Variants in IBA57 observed in about 807,000 individuals in gnomAD.
The protein encoded by IBA57 is iron-sulfur cluster assembly factor IBA57.
A neutral mutation model predicts 20.4 loss-of-function variants in IBA57; 20 were observed. The ratio of observed to expected loss-of-function variants is 0.98; its 90% confidence interval spans 0.69 to 1.42. The LOEUF is 1.42. Ranked by LOEUF, IBA57 falls within the 40% of genes most tolerant of loss-of-function variation. IBA57 has a pLI of 0.00. For synonymous variants in IBA57, 310 were observed against 233.9 expected (o/e 1.33, Z -2.97); for missense variants, 608 against 499.3 (o/e 1.22, Z -2.07).
chr1:228,166,072 G>A lies in IBA57; in HGVS notation c.256G>A (p.Ala86Thr), dbSNP rs1203894956. ...NELPLPSPAA[A>T]GAPPAARAGY... is the part of the protein sequence containing the mutation. ...ACTGCCGCTTCCGAGTCCTGCGGCC[G>A]CGGGGGCCCCGCCTGCTGCGCGCGC... is the stretch of plus-strand genomic sequence containing the variant. Residue 86 changes from alanine to threonine, a missense_variant, in exon 1 of 3, where the codon GCG (alanine) becomes ACG (threonine). By Grantham distance (58) the Ala-to-Thr change is moderately conservative. Transcript: ENST00000366711. 2.0e-6 allele frequency: 3 copies of A among 1,537,090 alleles called. No homozygotes were observed. Among genetic ancestry groups the A allele is most frequent in the Non-Finnish European group, 2.6e-6 (3 of 1,145,090 alleles).
Position 228,174,945 on chromosome 1 carries a change from C to T in IBA57, c.595C>T (p.Leu199Phe). 2 of 1,575,078 alleles carry T rather than the reference C, an allele frequency of 1.3e-6. No homozygotes were observed. Among genetic ancestry groups the T allele is most frequent in the Non-Finnish European group, 1.7e-6 (2 of 1,157,322 alleles). The stretch of plus-strand genomic sequence containing the variant: ...AACAGCACGCATGGGGTGGCGGCTC[C>T]TCACCCAGGATGAAGGCCCAGCCCT... ...PRTARMGWRL[L>F]TQDEGPALVP... Residue 199 changes from leucine (L) to phenylalanine (F), a missense_variant, in exon 2 of 3, where the codon CTC becomes TTC. By Grantham distance (22) the Leu-to-Phe change is conservative (BLOSUM62 0). Transcript: ENST00000366711.
At position 228,167,204 on chromosome 1, in the gene IBA57, A is replaced by G. The variant is rs150949846; in HGVS notation, c.341+1047A>G. ...ATGTGTCTTAGTTTGGGCTTTTTCC[A>G]TATCACATCTCTGGGCACTTAGTGG... On this transcript the variant is annotated intron_variant, in intron 1 of 2. Coordinates refer to ENST00000366711, the MANE Select transcript of IBA57 (RefSeq NM_001010867.4). 7.9e-3 allele frequency among the ~76,000 whole-genome samples: 1,199 copies of G among 152,248 alleles called. 16 individuals are homozygous for G. The highest frequency in any genetic ancestry group is 0.027 in the African/African-American group (1,126 of 41,546).
Position 228,181,655 on chromosome 1 carries a change from A to G in IBA57, c.*6142A>G, listed in dbSNP as rs1266031525. 6.6e-6 allele frequency: 1 copy of G among 152,278 alleles called. No individual in the cohort carries two copies. Among genetic ancestry groups the G allele is most frequent in the African/African-American group, 2.4e-5 (1 of 41,468 alleles). 9.4% of individuals were successfully genotyped at this position (152,278 alleles called of 1,614,324 possible). On this transcript the variant is annotated 3_prime_UTR_variant, in exon 3 of 3. Transcript: ENST00000366711. ...GGGGTGGAGCTCTGGGCCACAGGGC[A>G]GGAAAACTCAGTGTTGCTAGGAACT...
chr1:228,166,842 C>T (rs1299168230), intron 1 of IBA57, among the ~76,000 whole-genome samples: 1 of 152,200 alleles, frequency 6.6e-6, no homozygotes, highest in African/African-American at 2.4e-5. Context: ...TGGTTCGCGG[C>T]CGCCTGCCTG....
intron 1 of IBA57, chr1:228,172,931 T>C (rs1416718526): frequency 6.6e-6 from 1 of 152,320 alleles, no homozygotes; most frequent in East Asian, 1.9e-4. Flanking sequence ...AGCCCACGTG[T>C]GTAAATGACA....
Position 228,175,529 on chromosome 1 carries a change from G to C in IBA57, c.*16G>C, listed in dbSNP as rs759093724. ...CTCCAAGTAGTCCGAAGCCTTGGCT[G>C]GCGCAGGCTGATGGGGAGGCTGGGG... On this transcript the variant is annotated 3_prime_UTR_variant, in exon 3 of 3. Transcript: ENST00000366711. The C allele has an allele frequency of 3.2e-6, 5 of 1,538,614 alleles. No individual in the cohort carries two copies. Among genetic ancestry groups the C allele is most frequent in the Non-Finnish European group, 4.4e-6 (5 of 1,141,518 alleles).
rs750825793 is a variant in IBA57 at position 228,174,766 on chromosome 1, A to G, written c.416A>G (p.His139Arg). 2.5e-6 allele frequency: 4 copies of G among 1,609,108 alleles called. No individual in the cohort carries two copies. The highest frequency in any genetic ancestry group is 1.3e-5 in the African/African-American group (1 of 74,596). Residue 139 changes from histidine (H) to arginine (R), a missense_variant, in exon 2 of 3, where the codon CAC becomes CGC. Transcript: ENST00000366711. ...TCGGTGCAGGGCGCGCTGCAGAAGCACCTCGCGCTATACAGGATCCGGCGG... is the reference window on the plus strand; with the variant it reads ...TCGGTGCAGGGCGCGCTGCAGAAGCGCCTCGCGCTATACAGGATCCGGCGG... ...DSSVQGALQK[H>R]LALYRIRRKV...
At position 228,176,713 on chromosome 1, in the gene IBA57, G is replaced by A. The variant is rs2035028671; in HGVS notation, c.*1200G>A. Reference sequence around the variant, plus strand: ...AGGGAGCCTGTGCCGCCATCCTGGGGGGCCACAGGTGCTCTCTAGAAATCT... The same window carrying A: ...AGGGAGCCTGTGCCGCCATCCTGGGAGGCCACAGGTGCTCTCTAGAAATCT... On this transcript the variant is annotated 3_prime_UTR_variant, in exon 3 of 3. Transcript: ENST00000366711. 6.6e-6 allele frequency: 1 copy of A among 152,456 alleles called. No homozygotes were observed. The highest frequency in any genetic ancestry group is 2.1e-4 in the South Asian group (1 of 4,834). 9.4% of individuals were successfully genotyped at this position (152,456 alleles called of 1,614,324 possible). A position where few individuals can be genotyped will look rare whatever the true frequency, so the allele number is the denominator to read the frequency against.
intron 1 of IBA57, among the ~76,000 whole-genome samples, chr1:228,173,924 T>A (rs1287859598): frequency 1.5e-4 from 23 of 152,232 alleles, no homozygotes; most frequent in Admixed American, 1.2e-3. Flanking sequence ...AGACGAGAGC[T>A]CCGGAGGCTC....
intron 1 of IBA57, among the ~76,000 whole-genome samples, chr1:228,166,977 T>C (rs945914646): frequency 2.0e-5 from 3 of 152,218 alleles, no homozygotes; most frequent in South Asian, 2.1e-4. Flanking sequence ...GGACTCATTG[T>C]GTCTCTGCTA....
rs911957214 is a variant in IBA57 at position 228,178,120 on chromosome 1, G to T, written c.*2607G>T. 6.6e-6 allele frequency: 1 copy of T among 152,136 alleles called. No homozygotes were observed. The highest frequency in any genetic ancestry group is 1.9e-4 in the East Asian group (1 of 5,202). The allele number at this position is 152,136 out of a possible 1,614,324, so 9.4% of individuals were successfully genotyped here. A position where few individuals can be genotyped will look rare whatever the true frequency, so the allele number is the denominator to read the frequency against. On this transcript the variant is annotated 3_prime_UTR_variant, in exon 3 of 3. Coordinates refer to ENST00000366711, the MANE Select transcript of IBA57 (RefSeq NM_001010867.4). The stretch of plus-strand genomic sequence containing the variant: ...ACCCTCACACCTCCTGCCTCCCCTC[G>T]TTAGAGTCCCCCACATCCGCCTTCC...
chr1:228,167,163 G>C (rs898045351), intron 1 of IBA57, among the ~76,000 whole-genome samples: 9 of 152,110 alleles, frequency 5.9e-5, no homozygotes, highest in African/African-American at 1.9e-4. Flanking sequence ...TCTTGATGTC[G>C]TGAAATGTCA....
At position 228,175,548 on chromosome 1, in the gene IBA57, G is replaced by GCTGGGGC. The variant is rs755909674; in HGVS notation, c.*45_*51dup. 3.6e-5 allele frequency: 55 copies of GCTGGGGC among 1,525,964 alleles called. No individual in the cohort carries two copies. The East Asian group carries it at 1.1e-3, about 30-fold the overall frequency. 94.5% of individuals were successfully genotyped at this position (1,525,964 alleles called of 1,614,324 possible). A position where few individuals can be genotyped will look rare whatever the true frequency, so the allele number is the denominator to read the frequency against. On this transcript the variant is annotated 3_prime_UTR_variant, in exon 3 of 3. Coordinates refer to ENST00000366711, the MANE Select transcript of IBA57 (RefSeq NM_001010867.4). ...TTGGCTGGCGCAGGCTGATGGGGAGGCTGGGGCCTGGGGCCTTTGGCCTCT... is the reference window on the plus strand; with the variant it reads ...TTGGCTGGCGCAGGCTGATGGGGAGGCTGGGGCCTGGGGCCTGGGGCCTTTGGCCTCT...
At position 228,175,405 on chromosome 1, in the gene IBA57, G is replaced by A. The variant is rs1439846044; in HGVS notation, c.963G>A (p.Leu321=). ...GCCAGGGCAACGTGGGGCTGGCCCT[G>A]CTGTGGTCAGAGAAGATCAAGGGTC... ...RAGQGNVGLA[L]LWSEKIKGPL... is the part of the protein sequence containing the mutation. The change falls in exon 3 of 3, where the codon CTG becomes CTA. Residue 321 remains leucine (L), a synonymous_variant. Coordinates refer to ENST00000366711, the MANE Select transcript of IBA57 (RefSeq NM_001010867.4). The A allele has an allele frequency of 1.2e-6, 2 of 1,612,970 alleles. No individual in the cohort carries two copies. The highest frequency in any genetic ancestry group is 2.2e-5 in the South Asian group (2 of 91,078).
At position 228,166,161 on chromosome 1, in the gene IBA57, A is replaced by C; in HGVS notation, c.341+4A>C. 5 of 1,475,518 alleles carry C rather than the reference A, an allele frequency of 3.4e-6. No homozygotes were observed. Among genetic ancestry groups the C allele is most frequent in the East Asian group, 2.7e-5 (1 of 37,092 alleles). The allele number at this position is 1,475,518 out of a possible 1,614,324, so 91.4% of individuals were successfully genotyped here. On this transcript the variant is annotated splice_donor_region_variant and intron_variant, in intron 1 of 2. Transcript: ENST00000366711. Reference sequence around the variant, plus strand: ...TCTATGACGTCATCTTGTACGGGTGAGCGCGTGCTGGGAGGGCGCTCGGGG... The same window carrying C: ...TCTATGACGTCATCTTGTACGGGTGCGCGCGTGCTGGGAGGGCGCTCGGGG...
intron 1 of IBA57, 93 bp from the exon 2 acceptor site, chr1:228,174,599 T>C: frequency 1.7e-6 from 2 of 1,208,814 alleles, no homozygotes; most frequent in Non-Finnish European, 2.2e-6. Context: ...CACGGTGTGC[T>C]CCTCTGCCCG....
At chr1:228,173,398 T>TTCC in intron 1 of IBA57, 1 of 19,172 alleles carries the variant, frequency 5.2e-5, no homozygotes, top group Non-Finnish European at 1.6e-4. Flanking sequence ...CTCCACTTAG[T>TTCC]GCCCCCCCCC....
At position 228,177,152 on chromosome 1, in the gene IBA57, G is replaced by C. The variant is rs1362314960; in HGVS notation, c.*1639G>C. The C allele has an allele frequency of 6.6e-6, 1 of 152,348 alleles. No individual in the cohort carries two copies. The highest frequency in any genetic ancestry group is 1.5e-5 in the Non-Finnish European group (1 of 68,124). 9.4% of individuals were successfully genotyped at this position (152,348 alleles called of 1,614,324 possible). Reference sequence around the variant, plus strand: ...GGGTGCCTGTGGCCTGTGTCACCAAGAGCTGGTGTCTCCTGCATGAGGGGC... The same window carrying C: ...GGGTGCCTGTGGCCTGTGTCACCAACAGCTGGTGTCTCCTGCATGAGGGGC... On this transcript the variant is annotated 3_prime_UTR_variant, in exon 3 of 3. Transcript: ENST00000366711.
At position 228,175,335 on chromosome 1, in the gene IBA57, C is replaced by T. The variant is rs375395876; in HGVS notation, c.893C>T (p.Thr298Met). ...ACCAGTGGCATCACCCCTGGTGCCA[C>T]GGTGCTGACTGCCTCAGGACAGACT... ...LPTSGITPGA[T>M]VLTASGQTVG... The change falls in exon 3 of 3, where the codon ACG (threonine) becomes ATG (methionine). Residue 298 changes from threonine (T) to methionine (M), a missense_variant. Transcript: ENST00000366711. 20 of 1,612,986 alleles carry T rather than the reference C, an allele frequency of 1.2e-5. No homozygotes were observed. The highest frequency in any genetic ancestry group is 2.2e-5 in the South Asian group (2 of 91,084).
Sources: allele counts gnomAD v4.1 joint callset (sites outside exome capture counted in the v4.1 genomes callset), GRCh38; gene constraint gnomAD v4.1.1; transcripts MANE v1.5; gene names NCBI Gene and HGNC (gene_info 2026-07-23, HGNC 2026-07-21).